Variants in SMYD3 observed in about 807,000 individuals in gnomAD.
SMYD3 encodes SET and MYND domain containing 3.
Under a neutral mutation model 57.7 loss-of-function variants are expected in SMYD3, and 36 were observed. The observed-to-expected ratio is 0.62, with a 90% confidence interval of 0.48 to 0.82. SMYD3 has a LOEUF of 0.82. Ranked by LOEUF, SMYD3 falls within the 40% of genes least tolerant of loss-of-function variation. SMYD3 has a pLI of 0.00. For synonymous variants in SMYD3, 211 were observed against 195.0 expected (o/e 1.08, Z -0.68); for missense variants, 515 against 538.8 (o/e 0.96, Z 0.44).
At chr1:245,859,129 G>C (rs1311832206) in intron 9 of SMYD3, among the ~76,000 whole-genome samples, 1 of 152,134 alleles carries the variant, frequency 6.6e-6, no homozygotes. Flanking sequence ...GTTTGCTTCT[G>C]TGTTACCTGA....
intron 1 of SMYD3, among the ~76,000 whole-genome samples, chr1:246,409,550 C>T (rs1194499742): frequency 6.6e-6 from 1 of 152,150 alleles, no homozygotes; most frequent in Non-Finnish European, 1.5e-5. Flanking sequence ...TGTTTTGGTA[C>T]CAGTACCATG....
At chr1:245,802,182 G>A (rs2047900259) in intron 10 of SMYD3, among the ~76,000 whole-genome samples, 1 of 152,088 alleles carries the variant, frequency 6.6e-6, no homozygotes, top group South Asian at 2.1e-4. Context: ...TAGTAAACCT[G>A]CATTTAAGCA....
At chr1:246,051,281 C>G (rs534398253) in intron 5 of SMYD3, among the ~76,000 whole-genome samples, 2 of 151,934 alleles carry the variant, frequency 1.3e-5, no homozygotes, top group African/African-American at 2.4e-5. Context: ...CCACTATACC[C>G]AGCTAATTTT....
At chr1:245,836,489 C>G (rs1456200285) in intron 10 of SMYD3, among the ~76,000 whole-genome samples, 1 of 152,204 alleles carries the variant, frequency 6.6e-6, no homozygotes, top group Admixed American at 6.5e-5. Context: ...ATTCCAGGCT[C>G]AGCCAAAGGC....
intron 5 of SMYD3, among the ~76,000 whole-genome samples, chr1:246,216,201 C>T (rs540989133): frequency 8.6e-5 from 13 of 151,314 alleles, no homozygotes; most frequent in Non-Finnish European, 1.3e-4. Flanking sequence ...GCAGGAGAAT[C>T]GCTTGAACCC....
intron 9 of SMYD3, among the ~76,000 whole-genome samples, chr1:245,860,892 A>T (rs1196825193): frequency 1.3e-5 from 2 of 152,172 alleles, no homozygotes; most frequent in Non-Finnish European, 2.9e-5. Flanking sequence ...CTTGTACCTT[A>T]TTTTAACATT....
At chr1:246,281,663 G>A (rs1166680483) in intron 5 of SMYD3, among the ~76,000 whole-genome samples, 1 of 152,130 alleles carries the variant, frequency 6.6e-6, no homozygotes, top group Non-Finnish European at 1.5e-5. Context: ...ACATACAAAT[G>A]AAAATATTAT....
rs543170154 is a variant in SMYD3 at position 245,998,011 on chromosome 1, A to G, written c.532-68074T>C. 2.2e-4 allele frequency among the ~76,000 whole-genome samples: 33 copies of G among 152,336 alleles called. 1 individual carries two copies. Among genetic ancestry groups the G allele is most frequent in the Admixed American group, 6.5e-4 (10 of 15,306 alleles). On this transcript the variant is annotated intron_variant, in intron 5 of 11. Transcript: ENST00000490107. ...GAGGCTGGACAATAACACAGTCTGT[A>G]GACAAGGAAATTCAAAGCATGGCAT...
intron 8 of SMYD3, among the ~76,000 whole-genome samples, chr1:245,866,439 G>A (rs2051850190): frequency 6.6e-6 from 1 of 152,028 alleles, no homozygotes; most frequent in African/African-American, 2.4e-5. Flanking sequence ...CCCTTAAGAA[G>A]GTAAACAACA....
chr1:246,493,035 A>T (rs1306452023), intron 1 of SMYD3, among the ~76,000 whole-genome samples: 2 of 152,208 alleles, frequency 1.3e-5, no homozygotes, highest in East Asian at 3.8e-4. Context: ...TGGTGATATT[A>T]GTATGTACTT....
chr1:246,482,034 T>C (rs2068117385), intron 1 of SMYD3, among the ~76,000 whole-genome samples: 1 of 151,922 alleles, frequency 6.6e-6, no homozygotes, highest in South Asian at 2.1e-4. Context: ...GGTGTACACC[T>C]GTAGTCCCAG....
intron 8 of SMYD3, among the ~76,000 whole-genome samples, chr1:245,899,701 G>A (rs529632621): frequency 1.3e-5 from 2 of 152,210 alleles, no homozygotes; most frequent in African/African-American, 4.8e-5. Context: ...TTCATAGAGT[G>A]TCTGTGAGAG....
chr1:245,799,948 T>C (rs2047773313), intron 10 of SMYD3, among the ~76,000 whole-genome samples: 1 of 152,236 alleles, frequency 6.6e-6, no homozygotes, highest in African/African-American at 2.4e-5. Flanking sequence ...CACACCAATG[T>C]GCAAACAGTT....
chr1:246,081,073 C>G (rs1428297038), intron 5 of SMYD3, among the ~76,000 whole-genome samples: 1 of 152,250 alleles, frequency 6.6e-6, no homozygotes, highest in Admixed American at 6.5e-5. Context: ...ACAATGCAAC[C>G]CACTGAAAGG....
At chr1:246,054,399 C>T (rs548775538) in intron 5 of SMYD3, among the ~76,000 whole-genome samples, 20 of 152,142 alleles carry the variant, frequency 1.3e-4, no homozygotes, top group Non-Finnish European at 2.5e-4. Context: ...AACCATATAA[C>T]GTAGCCACTG....
chr1:246,133,954 A>G (rs1321178027), intron 5 of SMYD3, among the ~76,000 whole-genome samples: 1 of 152,188 alleles, frequency 6.6e-6, no homozygotes, highest in East Asian at 1.9e-4. Context: ...GCACTTCAAA[A>G]GAAATGTATT....
intron 5 of SMYD3, among the ~76,000 whole-genome samples, chr1:246,005,276 A>G (rs181400031): frequency 6.6e-6 from 1 of 152,362 alleles, no homozygotes; most frequent in Admixed American, 6.5e-5. Context: ...AGCCAAAAAT[A>G]TTCCCATTGC....
chr1:246,449,442 T>C (rs1319908557), intron 1 of SMYD3, among the ~76,000 whole-genome samples: 6 of 152,338 alleles, frequency 3.9e-5, no homozygotes, highest in South Asian at 4.1e-4. Flanking sequence ...GCTCTTTAAC[T>C]TAGAATTCCT....
intron 11 of SMYD3, among the ~76,000 whole-genome samples, chr1:245,762,331 C>T (rs1321713995): frequency 6.6e-6 from 1 of 152,164 alleles, no homozygotes; most frequent in Non-Finnish European, 1.5e-5. Context: ...TTTCTAGTCC[C>T]ATATAAACAC....
Sources: gnomAD v4.1 joint callset for allele counts (sites outside exome capture counted in the v4.1 genomes callset) on GRCh38, gnomAD v4.1.1 for gene constraint, MANE v1.5 for transcripts, NCBI Gene and HGNC (gene_info 2026-07-23, HGNC 2026-07-21) for gene names.